GRM1: variants seen among roughly 807,000 people sequenced by gnomAD.
The protein encoded by GRM1 is metabotropic glutamate receptor 1.
A neutral mutation model predicts 90.9 loss-of-function variants in GRM1; 33 were observed. The observed-to-expected ratio is 0.36, with a 90% CI of 0.28 to 0.49. The LOEUF (loss-of-function observed/expected upper bound fraction) is 0.49, where lower values mean the gene tolerates loss of function less well. GRM1 is among the 20% of genes least tolerant of loss of function. The pLI is 0.99. For missense variants in GRM1, 1,190 were observed against 1,534.3 expected (o/e 0.78, Z 3.75); for synonymous variants, 700 against 613.2 (o/e 1.14, Z -2.09).
chr6:146,190,088 T>C (rs537672256), intron 2 of GRM1, among the ~76,000 whole-genome samples: 1 of 152,102 alleles, frequency 6.6e-6, no homozygotes, highest in African/African-American at 2.4e-5. Context: ...TTGGATTCAA[T>C]TGAAGAAATG....
chr6:146,429,196 T>C (rs1410792126), intron 7 of GRM1, among the ~76,000 whole-genome samples: 1 of 152,214 alleles, frequency 6.6e-6, no homozygotes, highest in African/African-American at 2.4e-5. Context: ...GGGAAAAGGC[T>C]AAGATTCACA....
intron 1 of GRM1, among the ~76,000 whole-genome samples, chr6:146,048,977 A>G (rs933808377): frequency 2.0e-5 from 3 of 152,068 alleles, no homozygotes; most frequent in East Asian, 1.9e-4. Context: ...CAGCAGCCCT[A>G]GAGAACTAAT....
At chr6:146,133,464 C>G (rs915889949) in intron 1 of GRM1, among the ~76,000 whole-genome samples, 3 of 152,308 alleles carry the variant, frequency 2.0e-5, no homozygotes, top group South Asian at 2.1e-4. Context: ...GGGGAGATGA[C>G]AGAGGATGAT....
chr6:146,075,823 C>T (rs1267664990), intron 1 of GRM1, among the ~76,000 whole-genome samples: 2 of 152,184 alleles, frequency 1.3e-5, no homozygotes, highest in African/African-American at 4.8e-5. Flanking sequence ...TCTGCTCCAT[C>T]TCTTCACATG....
chr6:146,172,180 C>A (rs1778152802), intron 2 of GRM1, among the ~76,000 whole-genome samples: 1 of 152,142 alleles, frequency 6.6e-6, no homozygotes, highest in East Asian at 1.9e-4. Flanking sequence ...CGTGCCTTTT[C>A]TACGTTCCTT....
At chr6:146,290,158 A>G (rs1415261383) in intron 2 of GRM1, among the ~76,000 whole-genome samples, 3 of 152,204 alleles carry the variant, frequency 2.0e-5, no homozygotes, top group Non-Finnish European at 4.4e-5. Context: ...AAAAAGATCA[A>G]AAGATAAGTG....
chr6:146,365,668 A>T (rs1332849988), intron 5 of GRM1, among the ~76,000 whole-genome samples: 2 of 152,150 alleles, frequency 1.3e-5, no homozygotes, highest in Non-Finnish European at 2.9e-5. Flanking sequence ...GCCTTGCTCT[A>T]GCTGTCCCCT....
At chr6:146,104,375 G>A (rs1256605854) in intron 1 of GRM1, among the ~76,000 whole-genome samples, 4 of 152,076 alleles carry the variant, frequency 2.6e-5, no homozygotes, top group African/African-American at 7.2e-5. Context: ...GGGAGGCGGA[G>A]CTTGCAGTGA....
chr6:146,161,066 G>A (rs1395795857), intron 2 of GRM1, among the ~76,000 whole-genome samples: 4 of 152,164 alleles, frequency 2.6e-5, no homozygotes, highest in African/African-American at 7.2e-5. Context: ...GTTACACAGA[G>A]TAATATATGC....
At chr6:146,181,285 A>G (rs1014642752) in intron 2 of GRM1, among the ~76,000 whole-genome samples, 1 of 152,114 alleles carries the variant, frequency 6.6e-6, no homozygotes, top group African/African-American at 2.4e-5. Flanking sequence ...CAAATTCTCC[A>G]AAGAGTAATG....
intron 5 of GRM1, among the ~76,000 whole-genome samples, chr6:146,378,359 G>A (rs192252924): frequency 1.3e-3 from 197 of 152,288 alleles, no homozygotes; most frequent in African/African-American, 4.2e-3. Context: ...ACAGCAGCCC[G>A]TGAAAGCAGC....
At chr6:146,244,317 T>TA (rs1780976479) in intron 2 of GRM1, among the ~76,000 whole-genome samples, 2 of 152,170 alleles carry the variant, frequency 1.3e-5, no homozygotes, top group Admixed American at 6.6e-5. Context: ...AAGATAGATG[T>TA]AAAAAATTAT....
chr6:146,423,465 A>ATT (rs3065806), intron 7 of GRM1, among the ~76,000 whole-genome samples: 3 of 145,322 alleles, frequency 2.1e-5, no homozygotes, highest in Admixed American at 6.8e-5. Context: ...GAGATGCTCT[A>ATT]TTTTTTTTTT....
At chr6:146,208,993 T>C (rs564821227) in intron 2 of GRM1, among the ~76,000 whole-genome samples, 8 of 152,252 alleles carry the variant, frequency 5.3e-5, no homozygotes, top group Middle Eastern at 3.4e-3. Flanking sequence ...CCTTAACATA[T>C]TACTTTATAA....
intron 2 of GRM1, among the ~76,000 whole-genome samples, chr6:146,269,022 C>T (rs1226789436): frequency 1.3e-5 from 2 of 152,132 alleles, no homozygotes; most frequent in African/African-American, 4.8e-5. Context: ...CATCAGAGTT[C>T]TAATTTTTTT....
intron 3 of GRM1, among the ~76,000 whole-genome samples, chr6:146,339,480 A>G (rs1784893806): frequency 6.6e-6 from 1 of 152,204 alleles, no homozygotes; most frequent in Admixed American, 6.5e-5. Context: ...CACCTCATTT[A>G]TATTACAGCT....
intron 2 of GRM1, among the ~76,000 whole-genome samples, chr6:146,278,220 ATTATC>A (rs758662610): frequency 2.6e-5 from 4 of 152,168 alleles, no homozygotes; most frequent in Admixed American, 6.5e-5. Flanking sequence ...CTTTAAATAT[ATTATC>A]TTTAGTTTTT....
intron 2 of GRM1, among the ~76,000 whole-genome samples, chr6:146,205,175 TA>T (rs1779452039): frequency 6.6e-6 from 1 of 152,180 alleles, no homozygotes; most frequent in African/African-American, 2.4e-5. Flanking sequence ...AAAATATCTA[TA>T]ATACTCAAAG....
At chr6:146,355,082 T>A (rs1218405784) in intron 4 of GRM1, among the ~76,000 whole-genome samples, 1 of 152,234 alleles carries the variant, frequency 6.6e-6, no homozygotes, top group Non-Finnish European at 1.5e-5. Flanking sequence ...AAAGACATTC[T>A]AGAGCCAGCA....
Sources: allele counts gnomAD v4.1 joint callset (sites outside exome capture counted in the v4.1 genomes callset), GRCh38; gene constraint gnomAD v4.1.1; transcripts MANE v1.5; gene names NCBI Gene and HGNC (gene_info 2026-07-23, HGNC 2026-07-21).